Variants in LIMD2 observed in about 807,000 individuals in gnomAD.
LIMD2 encodes the protein LIM domain-containing protein 2.
In LIMD2, 11 loss-of-function variants were observed where a neutral mutation model predicts 16.0. The observed-to-expected ratio is 0.69, with a 90% CI of 0.43 to 1.14. The LOEUF (loss-of-function observed/expected upper bound fraction) is 1.14. Among genes scored for constraint, LIMD2 ranks in the 50% most tolerant of loss-of-function variants. The pLI is 0.00. For synonymous variants in LIMD2, 60 were observed against 67.1 expected, an observed-to-expected ratio of 0.89 and a Z score of 0.52; for missense variants, 168 against 165.8, an observed-to-expected ratio of 1.01 and a Z score of -0.07.
Position 63,698,392 on chromosome 17 carries a change from G to T in LIMD2, c.*160C>A. ...CACCGGCTGCGGGAGAAGGAAGAAG[G>T]AAGGAGTCCTGGAGCAGAGCCCTGC... is the stretch of plus-strand genomic sequence containing the variant. On this transcript the variant is annotated 3_prime_UTR_variant, in exon 5 of 5. Coordinates refer to ENST00000259006, the MANE Select transcript of LIMD2 (RefSeq NM_030576.4). 1.2e-6 allele frequency: 1 copy of T among 813,714 alleles called. No individual in the cohort carries two copies. The highest frequency in any genetic ancestry group is 1.9e-6 in the Non-Finnish European group (1 of 532,062). The allele number at this position is 813,714 out of a possible 1,614,324, so 50.4% of individuals were successfully genotyped here. A position where few individuals can be genotyped will look rare whatever the true frequency, so the allele number is the denominator to read the frequency against.
At position 63,698,219 on chromosome 17, in the gene LIMD2, TGCTGA is replaced by T; in HGVS notation, c.*328_*332del. 1 of 318,408 alleles carries T rather than the reference TGCTGA, an allele frequency of 3.1e-6. No individual in the cohort carries two copies. Among genetic ancestry groups the T allele is most frequent in the Non-Finnish European group, 6.0e-6 (1 of 167,588 alleles). The allele number at this position is 318,408 out of a possible 1,614,324, so 19.7% of individuals were successfully genotyped here. On this transcript the variant is annotated 3_prime_UTR_variant, in exon 5 of 5. Coordinates refer to ENST00000259006, the MANE Select transcript of LIMD2 (RefSeq NM_030576.4). ...GGAGCTTGGGACCCTGAGGGGGGCA[TGCTGA>T]CTCCTTGCTGGAGAAAAGGCACCTA...
chr17:63,698,732 C>CGTCAG (rs750362497), intron 4 of LIMD2, 21 bp from the exon 5 acceptor site: 13 of 1,609,586 alleles, frequency 8.1e-6, no homozygotes, highest in African/African-American at 1.3e-5. Flanking sequence ...CAAACAACGG[C>CGTCAG]GTCAGGTCAG....
Position 63,700,001 on chromosome 17 carries a change from C to T in LIMD2, c.-51+31G>A. 4 of 983,982 alleles carry T rather than the reference C, an allele frequency of 4.1e-6. No homozygotes were observed. The highest frequency in any genetic ancestry group is 4.8e-6 in the Non-Finnish European group (4 of 829,348). 61.0% of individuals were successfully genotyped at this position (983,982 alleles called of 1,614,324 possible). On this transcript the variant is annotated intron_variant, in intron 1 of 4. Coordinates refer to ENST00000259006, the MANE Select transcript of LIMD2 (RefSeq NM_030576.4). This position sits in a 1 kb window ranked among gnomAD's most constrained non-coding sequence, Gnocchi z 7.1. ...TCGGCGCCTCTCCCGGTTCCGGAGC[C>T]GGACGCGGCCCCTCCCCCCGCGGCT... is the stretch of plus-strand genomic sequence containing the variant.
chr17:63,700,668 C>T (rs1266207966), upstream of LIMD2: 1 of 151,292 alleles, frequency 6.6e-6, no homozygotes, highest in African/African-American at 2.4e-5. This position sits in a 1 kb window ranked among gnomAD's most constrained non-coding sequence, Gnocchi z 7.1. Context: ...GAGCCTGGCC[C>T]GGGGTCCCTC....
rs980133261 is a variant in LIMD2, at chr17:63,696,393, G to A, written c.*2159C>T. ...GGGGCCAGGTATGGTGCCTGGCAAC[G>A]AGCCTGGGCCTTTCAAGCAGAAGAG... On this transcript the variant is annotated 3_prime_UTR_variant, in exon 5 of 5. Transcript: ENST00000259006. 1 of 152,350 alleles carries A rather than the reference G, an allele frequency of 6.6e-6. No homozygotes were observed. Among genetic ancestry groups the A allele is most frequent in the African/African-American group, 2.4e-5 (1 of 41,324 alleles). The allele number at this position is 152,350 out of a possible 1,614,324, so 9.4% of individuals were successfully genotyped here. A position where few individuals can be genotyped will look rare whatever the true frequency, so the allele number is the denominator to read the frequency against.
In LIMD2 at chr17:63,698,344, C is replaced by T. The variant is rs535724007; in HGVS notation, c.*208G>A. 1.9e-4 allele frequency: 125 copies of T among 645,570 alleles called. No homozygotes were observed. Among genetic ancestry groups the T allele is most frequent in the Non-Finnish European group, 2.1e-5 (8 of 380,920 alleles). The allele number at this position is 645,570 out of a possible 1,614,324, so 40.0% of individuals were successfully genotyped here. A position where few individuals can be genotyped will look rare whatever the true frequency, so the allele number is the denominator to read the frequency against. On this transcript the variant is annotated 3_prime_UTR_variant, in exon 5 of 5. Transcript: ENST00000259006. The stretch of plus-strand genomic sequence containing the variant: ...GCAGGAAGCAGGGTGGTGGGCAGAC[C>T]CCAATCCTGGTTTCCAAACCCTCAC...
In LIMD2 at chr17:63,698,502, C is replaced by T; in HGVS notation, c.*50G>A. ...CAGCTCGACCTCCTTCCCACCTTCC[C>T]CCTGCCGGCTCCAGGCCTTCCGCAG... On this transcript the variant is annotated 3_prime_UTR_variant, in exon 5 of 5. Transcript: ENST00000259006. 2 of 1,592,974 alleles carry T rather than the reference C, an allele frequency of 1.3e-6. No homozygotes were observed. Among genetic ancestry groups the T allele is most frequent in the African/African-American group, 1.3e-5 (1 of 74,562 alleles).
upstream of LIMD2, chr17:63,700,314 C>A: frequency 3.2e-6 from 1 of 315,158 alleles, no homozygotes; most frequent in Non-Finnish European, 4.6e-6. The surrounding 1 kb of genome is among the most constrained non-coding windows in gnomAD (Gnocchi z 7.1). Context: ...GCCCCGGCTC[C>A]GCGCTCCCGG....
Position 63,698,538 on chromosome 17 carries a change from A to G in LIMD2, c.*14T>C, listed in dbSNP as rs1421829733. On this transcript the variant is annotated 3_prime_UTR_variant, in exon 5 of 5. Coordinates refer to ENST00000259006, the MANE Select transcript of LIMD2 (RefSeq NM_030576.4). ...CCAGGCCTTCCGCAGAGGGGGTGGA[A>G]GGTTACAGAGGCCTCAGGCCGTCTT... 6.2e-7 allele frequency: 1 copy of G among 1,612,494 alleles called. No homozygotes were observed. The highest frequency in any genetic ancestry group is 8.5e-7 in the Non-Finnish European group (1 of 1,179,530).
rs1598134329 is a variant in LIMD2, at chr17:63,698,457, A to C, written c.*95T>G. On this transcript the variant is annotated 3_prime_UTR_variant, in exon 5 of 5. Coordinates refer to ENST00000259006, the MANE Select transcript of LIMD2 (RefSeq NM_030576.4). Reference sequence around the variant, plus strand: ...CCTGAGCAAGCCTCATCCCCTTCCCACCTGGCCCCCACGCAAGCCCAGCTC... The same window carrying C: ...CCTGAGCAAGCCTCATCCCCTTCCCCCCTGGCCCCCACGCAAGCCCAGCTC... 1 of 1,420,624 alleles carries C rather than the reference A, an allele frequency of 7.0e-7. No individual in the cohort carries two copies. 88.0% of individuals were successfully genotyped at this position (1,420,624 alleles called of 1,614,324 possible).
chr17:63,698,918 C>T lies in LIMD2; in HGVS notation c.105G>A (p.Gln35=). The T allele has an allele frequency of 1.2e-6, 2 of 1,612,822 alleles. No homozygotes were observed. The highest frequency in any genetic ancestry group is 1.7e-6 in the Non-Finnish European group (2 of 1,179,936). ...QRSKSFSLRA[Q]VKETCAACQK... ...GGCAGGCGGCGCAGGTCTCCTTCAC[C>T]TGGGCCCGCAGGCTGAAGGACTGTG... Residue 35 remains glutamine (Q), a synonymous_variant, in exon 4 of 5, where the codon CAG becomes CAA. Transcript: ENST00000259006.
intron 3 of LIMD2, 31 bp from the exon 4 acceptor site, chr17:63,698,969 C>T (rs376989610): frequency 6.2e-7 from 1 of 1,611,838 alleles, no homozygotes; most frequent in Non-Finnish European, 8.5e-7. Flanking sequence ...GGTGCTGCCC[C>T]AGTGCTCATC....
At chr17:63,699,963 C>A in intron 1 of LIMD2, 69 bp downstream of exon 1, 1 of 983,796 alleles carries the variant, frequency 1.0e-6, no homozygotes, top group Non-Finnish European at 1.2e-6. Flanking sequence ...GGGCGGCCCT[C>A]ACCCCACACC....
chr17:63,699,009 C>G lies in LIMD2; in HGVS notation c.84+19G>C. On this transcript the variant is annotated intron_variant, in intron 3 of 4. Coordinates refer to ENST00000259006, the MANE Select transcript of LIMD2 (RefSeq NM_030576.4). ...TCCCTCACACCCCTCCTCCCGCACA[C>G]CCGGCCCCAGGCCCCTACCTTGGAG... 2 of 1,609,748 alleles carry G rather than the reference C, an allele frequency of 1.2e-6. No homozygotes were observed. Among genetic ancestry groups the G allele is most frequent in the Non-Finnish European group, 1.7e-6 (2 of 1,178,196 alleles).
upstream of LIMD2, chr17:63,700,885 G>T (rs2035777199): frequency 6.6e-6 from 1 of 152,200 alleles, no homozygotes; most frequent in Admixed American, 6.5e-5. This position sits in a 1 kb window ranked among gnomAD's most constrained non-coding sequence, Gnocchi z 7.1. Context: ...GGTATGCGTG[G>T]TTCCCGGAGC....
At position 63,698,841 on chromosome 17, in the gene LIMD2, TGGAAAATGAGCTTGTCGGCCACCA is replaced by T. The variant is rs780858550; in HGVS notation, c.158_181del (p.Leu53_Phe60del). The T allele has an allele frequency of 6.2e-7, 1 of 1,612,084 alleles. No homozygotes were observed. Among genetic ancestry groups the T allele is most frequent in the African/African-American group, 1.3e-5 (1 of 74,682 alleles). On this transcript the variant is annotated inframe_deletion, in exon 4 of 5. Coordinates refer to ENST00000259006, the MANE Select transcript of LIMD2 (RefSeq NM_030576.4). ...GTGCTTGCAGCAGAAGCAAGAGTTG[TGGAAAATGAGCTTGTCGGCCACCA>T]GCCGCTCCATGGGGTACACGGTCTT... is the stretch of plus-strand genomic sequence containing the variant.
In LIMD2 at chr17:63,696,282, T is replaced by C. The variant is rs1452618186; in HGVS notation, c.*2270A>G. On this transcript the variant is annotated 3_prime_UTR_variant, in exon 5 of 5. Coordinates refer to ENST00000259006, the MANE Select transcript of LIMD2 (RefSeq NM_030576.4). ...AAGCCAGGCCAGTGTTGCGCATTACTTACAATAAAAGGGATCATTTATATC... is the reference window on the plus strand; with the variant it reads ...AAGCCAGGCCAGTGTTGCGCATTACCTACAATAAAAGGGATCATTTATATC... The C allele has an allele frequency of 4.6e-5, 7 of 152,640 alleles. No individual in the cohort carries two copies. The highest frequency in any genetic ancestry group is 1.7e-4 in the African/African-American group (7 of 41,434). 9.5% of individuals were successfully genotyped at this position (152,640 alleles called of 1,614,324 possible). A position where few individuals can be genotyped will look rare whatever the true frequency, so the allele number is the denominator to read the frequency against.
At chr17:63,699,921 G>A (rs1285452045) in intron 1 of LIMD2, 111 bp downstream of exon 1, 1 of 984,044 alleles carries the variant, frequency 1.0e-6, no homozygotes, top group Non-Finnish European at 1.2e-6. Flanking sequence ...CGCCCCGGGC[G>A]AGAGCGGCTC....
chr17:63,699,416 A>C, intron 1 of LIMD2, 68 bp from the exon 2 acceptor site: 1 of 1,439,350 alleles, frequency 6.9e-7, no homozygotes, highest in Non-Finnish European at 9.2e-7. Flanking sequence ...GGGGGTGTTG[A>C]CAGGCAGGGG....
Sources: gnomAD v4.1 joint callset for allele counts on GRCh38, gnomAD v4.1.1 for gene constraint, Gnocchi (gnomAD v3.1) non-coding constraint, MANE v1.5 for transcripts, NCBI Gene and HGNC (gene_info 2026-07-23, HGNC 2026-07-21) for gene names.